Variants in ST7 observed in about 807,000 individuals in gnomAD.
ST7 encodes suppressor of tumorigenicity 7 protein.
A neutral mutation model predicts 78.7 loss-of-function variants in ST7; 28 were observed. The observed-to-expected ratio is 0.36, with a 90% CI of 0.26 to 0.49. ST7 has a LOEUF of 0.49. Among genes scored for constraint, ST7 ranks in the 20% least tolerant of loss-of-function variants. The pLI is 0.99. For missense variants in ST7, 418 were observed against 696.0 expected (o/e 0.60, Z 4.49); for synonymous variants, 247 against 249.6 (o/e 0.99, Z 0.10).
rs766912400 is a variant in ST7 at position 117,209,751 on chromosome 7, G to A, written c.1255-36G>A. 41 of 1,599,976 alleles carry A rather than the reference G, an allele frequency of 2.6e-5. No individual in the cohort carries two copies. In the Middle Eastern group the frequency reaches 5.0e-4, roughly 19 times the overall value. ...CAATACTGAATTCTAAATTACTTAG[G>A]TATTAACACAAGTGTGTCCTGCTTT... is the stretch of plus-strand genomic sequence containing the variant. On this transcript the variant is annotated intron_variant, in intron 12 of 15. Transcript: ENST00000323984.
intron 9 of ST7, among the ~76,000 whole-genome samples, chr7:117,164,194 T>G (rs941415028): frequency 2.0e-5 from 3 of 152,072 alleles, no homozygotes; most frequent in Non-Finnish European, 2.9e-5. Context: ...CATCCACATA[T>G]CTACAGCCAA....
intron 1 of ST7, chr7:116,955,234 G>A (rs528182588): frequency 2.8e-5 from 11 of 398,874 alleles, no homozygotes; most frequent in South Asian, 1.6e-4. Context: ...ATGGAATTAC[G>A]TATTTGTTGG....
chr7:117,101,838 G>A (rs375333249), intron 2 of ST7, among the ~76,000 whole-genome samples: 18 of 152,186 alleles, frequency 1.2e-4, no homozygotes, highest in African/African-American at 4.3e-4. Context: ...AATCTGTTTT[G>A]GATAAATGAA....
intron 12 of ST7, among the ~76,000 whole-genome samples, chr7:117,206,168 CTT>C (rs1023112035): frequency 1.1e-4 from 17 of 152,148 alleles, no homozygotes; most frequent in African/African-American, 3.9e-4. Context: ...GTGTAAATCT[CTT>C]TTATAGTCAT....
chr7:116,987,098 A>G (rs776920793), intron 1 of ST7, among the ~76,000 whole-genome samples: 1 of 152,196 alleles, frequency 6.6e-6, no homozygotes, highest in Non-Finnish European at 1.5e-5. Context: ...AGGAATTTAT[A>G]TAGATTCTGA....
intron 1 of ST7, among the ~76,000 whole-genome samples, chr7:117,082,297 C>T (rs1799844596): frequency 6.6e-6 from 1 of 152,082 alleles, no homozygotes; most frequent in South Asian, 2.1e-4. Flanking sequence ...ATAGAAACAC[C>T]CACTTCATTA....
At chr7:117,104,276 A>G (rs1307299785) in intron 2 of ST7, among the ~76,000 whole-genome samples, 1 of 152,190 alleles carries the variant, frequency 6.6e-6, no homozygotes, top group Non-Finnish European at 1.5e-5. Flanking sequence ...CCCTGTGTCT[A>G]CTAAAAATAC....
chr7:117,033,847 T>C (rs1349159508), intron 1 of ST7, among the ~76,000 whole-genome samples: 2 of 152,268 alleles, frequency 1.3e-5, no homozygotes, highest in African/African-American at 4.8e-5. Context: ...CGACCTTGAG[T>C]AGATTAACTT....
intron 13 of ST7, among the ~76,000 whole-genome samples, chr7:117,215,717 C>T (rs1007328310): frequency 1.3e-5 from 2 of 152,214 alleles, no homozygotes; most frequent in African/African-American, 4.8e-5. Context: ...TGGAGGTATT[C>T]ATCACCGTGG....
intron 2 of ST7, among the ~76,000 whole-genome samples, chr7:117,113,943 G>T (rs2116900883): frequency 6.6e-6 from 1 of 152,286 alleles, no homozygotes; most frequent in Middle Eastern, 3.4e-3. Context: ...AGTTAATGCT[G>T]CGGTGGAAAA....
chr7:117,173,154 G>A (rs889382480), intron 10 of ST7, among the ~76,000 whole-genome samples: 1 of 152,182 alleles, frequency 6.6e-6, no homozygotes. Flanking sequence ...CCCTTGTGTT[G>A]AGCTTTGTTT....
At chr7:117,099,066 CAA>C (rs55999217) in intron 1 of ST7, among the ~76,000 whole-genome samples, 1 of 94,540 alleles carries the variant, frequency 1.1e-5, no homozygotes, top group Non-Finnish European at 2.0e-5. Flanking sequence ...AAAAAAAAAA[CAA>C]AAAAAAAAGA....
intron 1 of ST7, among the ~76,000 whole-genome samples, chr7:117,091,522 G>A (rs1486423864): frequency 6.6e-6 from 1 of 152,164 alleles, no homozygotes; most frequent in African/African-American, 2.4e-5. Context: ...TTACATGCCA[G>A]CATGTGAAAT....
intron 3 of ST7, among the ~76,000 whole-genome samples, chr7:117,124,244 A>T (rs1181214175): frequency 6.6e-6 from 1 of 152,122 alleles, no homozygotes; most frequent in Non-Finnish European, 1.5e-5. Context: ...GGTTCCAATA[A>T]TAATAACTAA....
intron 1 of ST7, chr7:117,074,605 A>G (rs1799213436): frequency 6.6e-6 from 1 of 152,196 alleles, no homozygotes; most frequent in South Asian, 2.1e-4. Flanking sequence ...TGTAAAAGAA[A>G]AGTCATTAGA....
intron 10 of ST7, among the ~76,000 whole-genome samples, chr7:117,176,846 A>G (rs1467826709): frequency 6.6e-6 from 1 of 152,152 alleles, no homozygotes; most frequent in Non-Finnish European, 1.5e-5. Context: ...CTCTGAAAAT[A>G]CTCACCACAA....
chr7:117,204,572 GT>G (rs975114887), intron 12 of ST7, among the ~76,000 whole-genome samples: 2 of 151,954 alleles, frequency 1.3e-5, no homozygotes, highest in Non-Finnish European at 2.9e-5. Context: ...TACTTGCAGT[GT>G]TTTTTTTGTC....
intron 15 of ST7, among the ~76,000 whole-genome samples, chr7:117,227,768 C>T (rs903619649): frequency 1.3e-5 from 2 of 152,148 alleles, no homozygotes; most frequent in Non-Finnish European, 2.9e-5. Flanking sequence ...GCTCCCAATC[C>T]AGCTCTAAAC....
At chr7:117,222,314 GT>G (rs1440029393) in intron 15 of ST7, among the ~76,000 whole-genome samples, 1 of 152,212 alleles carries the variant, frequency 6.6e-6, no homozygotes, top group Non-Finnish European at 1.5e-5. Context: ...AATGCAGGAG[GT>G]CCAAAAGGAT....
Sources: allele counts gnomAD v4.1 joint callset (sites outside exome capture counted in the v4.1 genomes callset), GRCh38; gene constraint gnomAD v4.1.1; transcripts MANE v1.5; gene names NCBI Gene and HGNC (gene_info 2026-07-23, HGNC 2026-07-21).